TFAP2D: variants seen among roughly 807,000 people sequenced by gnomAD.
TFAP2D encodes the protein transcription factor AP-2-delta.
In TFAP2D, 9 loss-of-function variants were observed where a neutral mutation model predicts 43.6. That is an observed-to-expected ratio of 0.21 (90% CI 0.12 to 0.36). TFAP2D has a LOEUF of 0.36. Among genes scored for constraint, TFAP2D ranks in the 10% least tolerant of loss-of-function variants. TFAP2D has a pLI of 1.00. For missense variants in TFAP2D, 513 were observed against 561.4 expected (o/e 0.91, Z 0.87); for synonymous variants, 256 against 224.9 (o/e 1.14, Z -1.24).
chr6:50,713,861 T>C lies in TFAP2D; in HGVS notation c.-195T>C. On this transcript the variant is annotated 5_prime_UTR_variant, in exon 1 of 8. Transcript: ENST00000008391. The stretch of plus-strand genomic sequence containing the variant: ...GCTTTTGTGCAGAGGGAAAATTTTG[T>C]TCCTACAGGTTTTTAAGTGGGTACG... 2.7e-6 allele frequency: 2 copies of C among 734,822 alleles called. No homozygotes were observed. Among genetic ancestry groups the C allele is most frequent in the South Asian group, 3.8e-5 (2 of 52,790 alleles). 45.5% of individuals were successfully genotyped at this position (734,822 alleles called of 1,614,324 possible).
chr6:50,767,607 T>C (rs1769462106), intron 7 of TFAP2D, among the ~76,000 whole-genome samples: 1 of 152,228 alleles, frequency 6.6e-6, no homozygotes. Flanking sequence ...ACACCTGTTT[T>C]TCAGGCATGA....
At chr6:50,737,696 G>T (rs1203086676) in intron 5 of TFAP2D, among the ~76,000 whole-genome samples, 5 of 151,942 alleles carry the variant, frequency 3.3e-5, no homozygotes, top group Admixed American at 6.6e-5. Context: ...TCAATTTTTT[G>T]AGTTTGTCTT....
At chr6:50,741,736 T>C (rs577833984) in intron 5 of TFAP2D, among the ~76,000 whole-genome samples, 26 of 150,916 alleles carry the variant, frequency 1.7e-4, no homozygotes, top group Non-Finnish European at 3.1e-4. Flanking sequence ...CTGCAATACA[T>C]TGAAATAAAG....
chr6:50,766,687 A>G lies in TFAP2D; in HGVS notation c.1140-5958A>G, dbSNP rs537548057. Among the ~76,000 whole-genome samples the G allele has an allele frequency of 3.5e-3, 210 of 60,414 alleles. 1 individual carries two copies. The highest frequency in any genetic ancestry group is 5.5e-3 in the Non-Finnish European group (154 of 27,890). 39.6% of individuals were successfully genotyped at this position (60,414 alleles called of 152,430 possible). A position where few individuals can be genotyped will look rare whatever the true frequency, so the allele number is the denominator to read the frequency against. On this transcript the variant is annotated intron_variant, in intron 7 of 7. Transcript: ENST00000008391. ...TTTTTTTTTTTTTTTTTTGAGACGG[A>G]GTCTCGCTCTGTCGCCCAGGCCGGA...
intron 7 of TFAP2D, among the ~76,000 whole-genome samples, chr6:50,757,350 T>C (rs1319475878): frequency 7.2e-6 from 1 of 138,834 alleles, no homozygotes; most frequent in East Asian, 2.1e-4. Context: ...ATAGAGAATA[T>C]ATGTAATTAT....
chr6:50,746,298 G>A (rs1317429723), intron 6 of TFAP2D, among the ~76,000 whole-genome samples: 1 of 151,974 alleles, frequency 6.6e-6, no homozygotes, highest in Non-Finnish European at 1.5e-5. Flanking sequence ...GTACAGTGGT[G>A]CGATCATGGC....
rs1210122207 is a variant in TFAP2D at position 50,715,745 on chromosome 6, T to TCACACA, written c.537+133_537+134insACACAC. On this transcript the variant is annotated intron_variant, in intron 2 of 7. Coordinates refer to ENST00000008391, the MANE Select transcript of TFAP2D (RefSeq NM_172238.4). ...TCCTCTCTCTCTCTCTCTCTCTCTCTCTCTCACACACACACACACACACAC... is the reference window on the plus strand; with the variant it reads ...TCCTCTCTCTCTCTCTCTCTCTCTCTCACACACTCTCACACACACACACACACACAC... 53 of 598,942 alleles carry TCACACA rather than the reference T, an allele frequency of 8.8e-5. No homozygotes were observed. The African/African-American group carries it at 1.2e-3, about 13-fold the overall frequency. The allele number at this position is 598,942 out of a possible 1,614,324, so 37.1% of individuals were successfully genotyped here.
At chr6:50,745,041 T>C in intron 5 of TFAP2D, 66 bp from the exon 6 acceptor site, 3 of 1,581,464 alleles carry the variant, frequency 1.9e-6, no homozygotes, top group Middle Eastern at 1.7e-4. Context: ...TTGAGCAAAA[T>C]GCAAGACACT....
intron 5 of TFAP2D, among the ~76,000 whole-genome samples, chr6:50,742,619 TAGATA>T (rs1205656099): frequency 1.4e-5 from 2 of 144,952 alleles, no homozygotes; most frequent in African/African-American, 4.9e-5. Context: ...GATAGATAGA[TAGATA>T]GATAGATGAT....
chr6:50,745,939 T>C (rs1440378607), intron 6 of TFAP2D, among the ~76,000 whole-genome samples: 2 of 152,152 alleles, frequency 1.3e-5, no homozygotes, highest in Admixed American at 6.6e-5. Flanking sequence ...TATAAATTCC[T>C]TGACACTTGA....
intron 7 of TFAP2D, among the ~76,000 whole-genome samples, chr6:50,771,651 T>C (rs1451441798): frequency 6.6e-6 from 1 of 152,198 alleles, no homozygotes; most frequent in African/African-American, 2.4e-5. Context: ...GTTAAATATT[T>C]AGACTTGGTA....
chr6:50,723,227 C>T (rs1768757931), intron 3 of TFAP2D, among the ~76,000 whole-genome samples: 1 of 152,196 alleles, frequency 6.6e-6, no homozygotes, highest in South Asian at 2.1e-4. Context: ...GCTTCAATTG[C>T]TCAGTCTGCC....
At chr6:50,736,598 GC>G (rs1768966355) in intron 5 of TFAP2D, among the ~76,000 whole-genome samples, 1 of 152,004 alleles carries the variant, frequency 6.6e-6, no homozygotes, top group Non-Finnish European at 1.5e-5. Context: ...TTATTTGCAA[GC>G]TTTCTAATAT....
chr6:50,718,227 A>G (rs1015939494), intron 2 of TFAP2D: 34 of 152,110 alleles, frequency 2.2e-4, no homozygotes, highest in African/African-American at 8.0e-4. Flanking sequence ...GCCTGCCTCA[A>G]TATGGTGAAA....
chr6:50,716,010 C>T (rs1171784400), intron 2 of TFAP2D, among the ~76,000 whole-genome samples: 2 of 152,038 alleles, frequency 1.3e-5, no homozygotes, highest in Admixed American at 6.6e-5. Context: ...AGAGTAAGAT[C>T]CAATAAATTG....
intron 7 of TFAP2D, among the ~76,000 whole-genome samples, chr6:50,756,976 T>A (rs1352158888): frequency 6.6e-6 from 1 of 151,804 alleles, no homozygotes; most frequent in Non-Finnish European, 1.5e-5. Context: ...GTTCTCATAA[T>A]CTCCTTGAAT....
intron 5 of TFAP2D, among the ~76,000 whole-genome samples, chr6:50,740,236 T>G (rs756497085): frequency 1.3e-4 from 20 of 152,304 alleles, no homozygotes; most frequent in South Asian, 4.1e-4. Flanking sequence ...TTTAATAACA[T>G]TGGGTTTTGC....
chr6:50,749,611 A>G (rs1226855930), intron 6 of TFAP2D, among the ~76,000 whole-genome samples: 1 of 151,910 alleles, frequency 6.6e-6, no homozygotes, highest in South Asian at 2.1e-4. Flanking sequence ...ATATTAAATA[A>G]CACAAAGCAC....
chr6:50,715,019 C>A, intron 1 of TFAP2D, 97 bp from the exon 2 acceptor site: 2 of 1,488,896 alleles, frequency 1.3e-6, no homozygotes. Context: ...CCTTGGAGTG[C>A]CAGAGAAAGC....
Sources: gnomAD v4.1 joint callset for allele counts (sites outside exome capture counted in the v4.1 genomes callset) on GRCh38, gnomAD v4.1.1 for gene constraint, MANE v1.5 for transcripts, NCBI Gene and HGNC (gene_info 2026-07-23, HGNC 2026-07-21) for gene names.